Variants in BRINP3 observed in about 807,000 individuals in gnomAD.
The protein encoded by BRINP3 is BMP/retinoic acid-inducible neural-specific protein 3.
BRINP3 carries 19 observed loss-of-function variants against 71.0 expected under a neutral mutation model. That is an observed-to-expected ratio of 0.27 (90% CI 0.19 to 0.39). The LOEUF is 0.39. Ranked by LOEUF, BRINP3 falls within the 10% of genes least tolerant of loss-of-function variation. BRINP3 has a pLI of 1.00. For missense variants in BRINP3, 959 were observed against 940.8 expected (o/e 1.02, Z -0.25); for synonymous variants, 380 against 337.7 (o/e 1.13, Z -1.37).
At chr1:190,299,311 T>C (rs1664491678) in intron 2 of BRINP3, among the ~76,000 whole-genome samples, 1 of 152,054 alleles carries the variant, frequency 6.6e-6, no homozygotes, top group Non-Finnish European at 1.5e-5. Flanking sequence ...AAAGTAATGA[T>C]TAACATTATA....
chr1:190,228,160 T>C (rs1174825897), intron 5 of BRINP3, among the ~76,000 whole-genome samples: 3 of 151,954 alleles, frequency 2.0e-5, no homozygotes, highest in African/African-American at 7.2e-5. Context: ...ATTTTCTTAA[T>C]CGTCTAGTCC....
At chr1:190,428,135 A>C (rs1428621996) in intron 2 of BRINP3, among the ~76,000 whole-genome samples, 1 of 152,104 alleles carries the variant, frequency 6.6e-6, no homozygotes, top group African/African-American at 2.4e-5. Flanking sequence ...ACATAAGAAT[A>C]GTTTTTTGGT....
chr1:190,428,528 C>A (rs1012057056), intron 2 of BRINP3, among the ~76,000 whole-genome samples: 4 of 151,970 alleles, frequency 2.6e-5, no homozygotes, highest in African/African-American at 7.2e-5. Flanking sequence ...AAATTTCTAT[C>A]TTGTTTGTGT....
At chr1:190,121,202 A>T (rs1451464829) in intron 7 of BRINP3, among the ~76,000 whole-genome samples, 1 of 152,212 alleles carries the variant, frequency 6.6e-6, no homozygotes, top group Non-Finnish European at 1.5e-5. Flanking sequence ...CTTGGTTAAG[A>T]GCAGACTGCC....
chr1:190,114,526 CTGTGTGTG>C (rs34766118), intron 7 of BRINP3, among the ~76,000 whole-genome samples: 32 of 143,128 alleles, frequency 2.2e-4, no homozygotes, highest in African/African-American at 6.1e-4. Flanking sequence ...AAGTTTGCCA[CTGTGTGTG>C]TGTGTGTGTG....
At chr1:190,457,929 A>T (rs1439753529) in intron 1 of BRINP3, among the ~76,000 whole-genome samples, 1 of 152,026 alleles carries the variant, frequency 6.6e-6, no homozygotes, top group African/African-American at 2.4e-5. Flanking sequence ...TAAAAAAAAA[A>T]AAAACTATAT....
At chr1:190,227,587 T>C (rs1657518793) in intron 5 of BRINP3, among the ~76,000 whole-genome samples, 1 of 151,876 alleles carries the variant, frequency 6.6e-6, no homozygotes, top group Non-Finnish European at 1.5e-5. Flanking sequence ...ATATAATTAA[T>C]TGGCTAAACA....
At chr1:190,230,626 A>G (rs1657880650) in intron 5 of BRINP3, among the ~76,000 whole-genome samples, 1 of 151,902 alleles carries the variant, frequency 6.6e-6, no homozygotes, top group South Asian at 2.1e-4. Context: ...AATTTGAACA[A>G]GATATACAAA....
At chr1:190,158,637 T>C (rs1006483083) in intron 7 of BRINP3, among the ~76,000 whole-genome samples, 72 of 152,130 alleles carry the variant, frequency 4.7e-4, no homozygotes, top group African/African-American at 1.7e-3. Context: ...AAAAAGAATG[T>C]TTTATTCCCA....
At chr1:190,371,223 G>A (rs1427332615) in intron 2 of BRINP3, among the ~76,000 whole-genome samples, 2 of 152,002 alleles carry the variant, frequency 1.3e-5, no homozygotes, top group African/African-American at 4.8e-5. Context: ...CCTGTGTTTT[G>A]GCATAATTTC....
rs545128370 is a variant in BRINP3, at chr1:190,240,658, G to A, written c.619-6181C>T. Among the ~76,000 whole-genome samples, 17 of 151,946 alleles carry A rather than the reference G, an allele frequency of 1.1e-4. No homozygotes were observed. In the East Asian group the frequency reaches 3.1e-3, roughly 28 times the overall value. ...GCCGAGGAGGGGTGTATCATCTGCA[G>A]TCAGGAGTTTGAGACCAGCCTGATC... On this transcript the variant is annotated intron_variant, in intron 4 of 7. Transcript: ENST00000367462.
At chr1:190,391,647 T>C (rs1026762805) in intron 2 of BRINP3, among the ~76,000 whole-genome samples, 1 of 151,784 alleles carries the variant, frequency 6.6e-6, no homozygotes, top group South Asian at 2.1e-4. Context: ...GTGTTAGATA[T>C]AGACATGTTC....
rs185632604 is a variant in BRINP3 at position 190,147,406 on chromosome 1, T to C, written c.1184+13262A>G. 2.3e-3 allele frequency among the ~76,000 whole-genome samples: 356 copies of C among 152,270 alleles called. 1 individual carries two copies. The highest frequency in any genetic ancestry group is 7.4e-3 in the African/African-American group (308 of 41,576). ...ATATACCTTCTTGAGTTGATTATTCTATTAATTTGTTTAATAAGTAACATT... is the reference window on the plus strand; with the variant it reads ...ATATACCTTCTTGAGTTGATTATTCCATTAATTTGTTTAATAAGTAACATT... On this transcript the variant is annotated intron_variant, in intron 7 of 7. Coordinates refer to ENST00000367462, the MANE Select transcript of BRINP3 (RefSeq NM_199051.3).
In BRINP3 at chr1:190,470,035, C is replaced by CA. The variant is rs554662141; in HGVS notation, c.-51+7412dup. Among the ~76,000 whole-genome samples the CA allele has an allele frequency of 5.1e-3, 773 of 151,050 alleles. 1 individual carries two copies. The highest frequency in any genetic ancestry group is 7.5e-3 in the Non-Finnish European group (503 of 67,134). On this transcript the variant is annotated intron_variant, in intron 1 of 7. Coordinates refer to ENST00000367462, the MANE Select transcript of BRINP3 (RefSeq NM_199051.3). Reference sequence around the variant, plus strand: ...AGAATTTAATGAATCTGTAAAATAACATTGTAGTTATATACTGGCCACTAT... The same window carrying CA: ...AGAATTTAATGAATCTGTAAAATAACAATTGTAGTTATATACTGGCCACTAT...
intron 2 of BRINP3, among the ~76,000 whole-genome samples, chr1:190,426,930 C>A (rs1673746227): frequency 6.6e-6 from 1 of 151,724 alleles, no homozygotes; most frequent in African/African-American, 2.4e-5. Context: ...TTAAAAGATA[C>A]AATGAATATA....
chr1:190,477,259 T>C (rs1199924730), intron 1 of BRINP3, among the ~76,000 whole-genome samples, 189 bp downstream of exon 1: 2 of 152,108 alleles, frequency 1.3e-5, no homozygotes, highest in African/African-American at 2.4e-5. Context: ...GATATTGGGG[T>C]AATACATTAC....
intron 6 of BRINP3, among the ~76,000 whole-genome samples, chr1:190,178,777 T>C (rs1652781058): frequency 6.6e-6 from 1 of 152,024 alleles, no homozygotes; most frequent in Non-Finnish European, 1.5e-5. Context: ...AAAAGAAATA[T>C]TTAAAAAATT....
chr1:190,275,407 A>C (rs547639799), intron 3 of BRINP3, among the ~76,000 whole-genome samples: 32 of 151,726 alleles, frequency 2.1e-4, no homozygotes, highest in African/African-American at 7.2e-4. Context: ...GATCCTGTTA[A>C]AATGTAGATT....
intron 2 of BRINP3, among the ~76,000 whole-genome samples, chr1:190,320,836 A>T (rs1160342573): frequency 6.6e-6 from 1 of 152,066 alleles, no homozygotes; most frequent in African/African-American, 2.4e-5. Flanking sequence ...GAGAACGTAC[A>T]AACTCCACAC....
Sources: gnomAD v4.1 joint callset for allele counts (sites outside exome capture counted in the v4.1 genomes callset) on GRCh38, gnomAD v4.1.1 for gene constraint, MANE v1.5 for transcripts, NCBI Gene and HGNC (gene_info 2026-07-23, HGNC 2026-07-21) for gene names.